Variants in UEVLD observed in about 807,000 individuals in gnomAD.
UEVLD encodes ubiquitin-conjugating enzyme E2 variant 3.
In UEVLD, 47 loss-of-function variants were observed where a neutral mutation model predicts 58.6. The ratio of observed to expected loss-of-function variants is 0.80; its 90% CI spans 0.63 to 1.02. The LOEUF is 1.02. Ranked by LOEUF, UEVLD falls within the 50% of genes least tolerant of loss-of-function variation. The pLI is 0.00. For missense variants in UEVLD, 510 were observed against 550.6 expected (o/e 0.93, Z 0.74); for synonymous variants, 197 against 195.3 (o/e 1.01, Z -0.07).
rs1484039367 is a variant in UEVLD at position 18,586,756 on chromosome 11, T to C, written c.42+1857A>G. On this transcript the variant is annotated intron_variant, in intron 1 of 11. Transcript: ENST00000396197. ...TGAATGGTCAGGAAACTTCATATATTTGCTGCACTGACTTGTTTCTGATTG... is the reference window on the plus strand; with the variant it reads ...TGAATGGTCAGGAAACTTCATATATCTGCTGCACTGACTTGTTTCTGATTG... Among the ~76,000 whole-genome samples, 4 of 152,296 alleles carry C rather than the reference T, an allele frequency of 2.6e-5. No individual in the cohort carries two copies. In the East Asian group the frequency reaches 7.7e-4, roughly 29 times the overall value.
intron 7 of UEVLD, among the ~76,000 whole-genome samples, chr11:18,554,940 C>T (rs941897120): frequency 3.3e-5 from 5 of 152,176 alleles, no homozygotes; most frequent in Non-Finnish European, 7.3e-5. Flanking sequence ...TATTGATGTA[C>T]TTCGCCATAT....
chr11:18,570,300 G>C lies in UEVLD; in HGVS notation c.271C>G (p.Pro91Ala). 1 of 1,594,364 alleles carries C rather than the reference G, an allele frequency of 6.3e-7. No homozygotes were observed. The highest frequency in any genetic ancestry group is 8.5e-7 in the Non-Finnish European group (1 of 1,174,586). ...PFAPPICFLK[P>A]TANMGILVGK... is the part of the protein sequence containing the mutation. ...ACTAAGATTCCCATATTTGCAGTTG[G>C]CTTCAAGAAGCAAATAGGGGGAGCG... Residue 91 changes from proline (P) to alanine (A), a missense_variant, in exon 4 of 12, where the codon CCA becomes GCA. Pro to Ala is a conservative substitution (Grantham distance 27, BLOSUM62 -1). Coordinates refer to ENST00000396197, the MANE Select transcript of UEVLD (RefSeq NM_001040697.4).
chr11:18,537,433 C>A (rs1334945068), intron 9 of UEVLD, among the ~76,000 whole-genome samples: 1 of 150,592 alleles, frequency 6.6e-6, no homozygotes, highest in Non-Finnish European at 1.5e-5. Flanking sequence ...CCGGTTCAAA[C>A]AATTCTCCTG....
intron 1 of UEVLD, among the ~76,000 whole-genome samples, chr11:18,584,497 T>C (rs1853435418): frequency 6.6e-6 from 1 of 152,210 alleles, no homozygotes; most frequent in Non-Finnish European, 1.5e-5. Context: ...ATGGAAATAA[T>C]CTACACATAC....
chr11:18,580,989 C>T (rs1039501287), intron 1 of UEVLD, among the ~76,000 whole-genome samples: 3 of 151,690 alleles, frequency 2.0e-5, no homozygotes, highest in African/African-American at 7.3e-5. Flanking sequence ...ATGGTGAAAC[C>T]CCATCTCTAA....
rs112838655 is a variant in UEVLD, at chr11:18,562,267, G to T, written c.612+2625C>A. Among the ~76,000 whole-genome samples the T allele has an allele frequency of 7.3e-3, 1,117 of 152,000 alleles. 13 individuals are homozygous for T. Among genetic ancestry groups the T allele is most frequent in the African/African-American group, 0.026 (1,066 of 41,488 alleles). Reference sequence around the variant, plus strand: ...TAATTTTTAATTTTTGTAGGGTGGAGGCAGTGGCTGACACCTGTAATCCCA... The same window carrying T: ...TAATTTTTAATTTTTGTAGGGTGGATGCAGTGGCTGACACCTGTAATCCCA... On this transcript the variant is annotated intron_variant, in intron 6 of 11. Coordinates refer to ENST00000396197, the MANE Select transcript of UEVLD (RefSeq NM_001040697.4).
At chr11:18,543,542 A>G (rs1163401343) in intron 9 of UEVLD, among the ~76,000 whole-genome samples, 2 of 152,210 alleles carry the variant, frequency 1.3e-5, no homozygotes, top group Non-Finnish European at 2.9e-5. Flanking sequence ...GATGGCCTTT[A>G]TAGAATTTTC....
chr11:18,588,692 C>G lies in UEVLD; in HGVS notation c.-38G>C. Reference sequence around the variant, plus strand: ...CCCGAGCTAGGTCCCAGGACTCCAGCCCCCGGACCTTCTTCCGGACTTGCT... The same window carrying G: ...CCCGAGCTAGGTCCCAGGACTCCAGGCCCCGGACCTTCTTCCGGACTTGCT... On this transcript the variant is annotated 5_prime_UTR_variant, in exon 1 of 12. Coordinates refer to ENST00000396197, the MANE Select transcript of UEVLD (RefSeq NM_001040697.4). 1 of 1,599,990 alleles carries G rather than the reference C, an allele frequency of 6.3e-7. No individual in the cohort carries two copies.
chr11:18,570,445 G>A (rs16935557), intron 3 of UEVLD, 68 bp from the exon 4 acceptor site: 153,970 of 1,384,770 alleles, frequency 0.11, 8,774 homozygotes, highest in Non-Finnish European at 0.12. Flanking sequence ...ATAGCTAGGC[G>A]GCATTTTAAG....
At chr11:18,569,072 T>G (rs1230417270) in intron 4 of UEVLD, among the ~76,000 whole-genome samples, 3 of 152,092 alleles carry the variant, frequency 2.0e-5, no homozygotes, top group Non-Finnish European at 4.4e-5. Context: ...TTTTTTGTAT[T>G]TTTAGTAGAG....
chr11:18,573,927 G>A (rs1852767203), intron 3 of UEVLD, among the ~76,000 whole-genome samples: 1 of 151,870 alleles, frequency 6.6e-6, no homozygotes, highest in African/African-American at 2.4e-5. Flanking sequence ...AAGTTACGCT[G>A]TTCTCTCCCT....
At position 18,532,286 on chromosome 11, in the gene UEVLD, G is replaced by A. The variant is rs1055167182; in HGVS notation, c.*34C>T. 2.0e-5 allele frequency: 32 copies of A among 1,563,874 alleles called. No individual in the cohort carries two copies. The highest frequency in any genetic ancestry group is 2.7e-5 in the Non-Finnish European group (31 of 1,157,496). On this transcript the variant is annotated 3_prime_UTR_variant, in exon 12 of 12. Transcript: ENST00000396197. Reference sequence around the variant, plus strand: ...AAAATTAAATGACTTTTCCCTTTAGGTAGAAGTCCAGCCTCTCAAATTGCA... The same window carrying A: ...AAAATTAAATGACTTTTCCCTTTAGATAGAAGTCCAGCCTCTCAAATTGCA...
chr11:18,534,434 C>T lies in UEVLD; in HGVS notation c.1144G>A (p.Val382Ile). Residue 382 changes from valine (V) to isoleucine (I), a missense_variant, in exon 11 of 12, where the codon GTA becomes ATA. By Grantham distance (29) the Val-to-Ile change is conservative. Transcript: ENST00000396197. ...ACAGACCAGGATCTTTGACCTTTTA[C>T]TCTTAGCAGTTCCATGGCTCTAGGT... ...LSNRAMELLR[V>I]KGQRSWSVGL... 6.4e-7 allele frequency: 1 copy of T among 1,574,522 alleles called. No individual in the cohort carries two copies. Among genetic ancestry groups the T allele is most frequent in the Admixed American group, 2.0e-5 (1 of 49,740 alleles).
At position 18,532,458 on chromosome 11, in the gene UEVLD, A is replaced by G. The variant is rs138493180; in HGVS notation, c.1278T>C (p.Phe426=). The G allele has an allele frequency of 8.1e-6, 13 of 1,612,538 alleles. No individual in the cohort carries two copies. The African/African-American group carries it at 1.7e-4, about 22-fold the overall frequency. Residue 426 remains phenylalanine, a synonymous_variant, in exon 12 of 12, where the codon TTT becomes TTC. Coordinates refer to ENST00000396197, the MANE Select transcript of UEVLD (RefSeq NM_001040697.4). ...TTCCAAGGATGCAAGGCAAACTTAA[A>G]AACACTTCACTATTTATATCATAAT... The part of the protein sequence containing the change: ...KGYYDINSEV[F]LSLPCILGTN...
In UEVLD at chr11:18,570,061, CT is replaced by C. The variant is rs1244325217; in HGVS notation, c.357+152del. On this transcript the variant is annotated intron_variant, in intron 4 of 11. Coordinates refer to ENST00000396197, the MANE Select transcript of UEVLD (RefSeq NM_001040697.4). Reference sequence around the variant, plus strand: ...TCAGGGTTCTGGGACTTGGGTAACCCTAGAGAGCTCAATTTCAAATTACTTC... The same window carrying C: ...TCAGGGTTCTGGGACTTGGGTAACCCAGAGAGCTCAATTTCAAATTACTTC... 10 of 860,464 alleles carry C rather than the reference CT, an allele frequency of 1.2e-5. No homozygotes were observed. The African/African-American group carries it at 1.6e-4, about 14-fold the overall frequency. The allele number at this position is 860,464 out of a possible 1,614,324, so 53.3% of individuals were successfully genotyped here.
At position 18,558,316 on chromosome 11, in the gene UEVLD, C is replaced by A. The variant is rs552817400; in HGVS notation, c.627G>T (p.Arg209Ser). 19 of 1,611,888 alleles carry A rather than the reference C, an allele frequency of 1.2e-5. No homozygotes were observed. The South Asian group carries it at 1.8e-4, about 15-fold the overall frequency. The change falls in exon 7 of 12, where the codon AGG (arginine) becomes AGT (serine). Residue 209 changes from arginine (R) to serine (S), a missense_variant. Arg to Ser is a moderately radical substitution (Grantham distance 110, BLOSUM62 -1). Transcript: ENST00000396197. ...CTTCTGAGAGGTCTAAGAGGACAAGCCTGTCTGCAATACCCTGTACAGTAA... is the reference window on the plus strand; with the variant it reads ...CTTCTGAGAGGTCTAAGAGGACAAGACTGTCTGCAATACCCTGTACAGTAA... Reference protein sequence around the residue: ...LAISAKGIADRLVLLDLSEGT... With the variant: ...LAISAKGIADSLVLLDLSEGT...
At chr11:18,537,021 G>A (rs1162204005) in intron 9 of UEVLD, among the ~76,000 whole-genome samples, 9 of 148,248 alleles carry the variant, frequency 6.1e-5, no homozygotes, top group Non-Finnish European at 1.2e-4. Context: ...TCAGCCTCCC[G>A]AGTAGCTGGT....
In UEVLD at chr11:18,588,728, A is replaced by G; in HGVS notation, c.-74T>C. 1 of 1,547,114 alleles carries G rather than the reference A, an allele frequency of 6.5e-7. No individual in the cohort carries two copies. ...TCTTCCGGACTTGCTGCAGGACGGA[A>G]GCCGCTGAGGACCAAACTTCCCGGC... On this transcript the variant is annotated 5_prime_UTR_variant, in exon 1 of 12. Transcript: ENST00000396197.
intron 1 of UEVLD, among the ~76,000 whole-genome samples, chr11:18,581,677 CA>C (rs11443134): frequency 2.5e-3 from 252 of 99,044 alleles, no homozygotes; most frequent in Admixed American, 3.4e-3. Flanking sequence ...GACACTGTCT[CA>C]AAAAAAAAAA....
Sources: allele counts gnomAD v4.1 joint callset (sites outside exome capture counted in the v4.1 genomes callset), GRCh38; gene constraint gnomAD v4.1.1; transcripts MANE v1.5; gene names NCBI Gene and HGNC (gene_info 2026-07-23, HGNC 2026-07-21).